The following LSAMP variants were observed in gnomAD, a reference collection of about 807,000 sequenced individuals.
LSAMP encodes limbic system associated membrane protein, also known as limbic system-associated membrane protein.
Under a neutral mutation model 38.6 loss-of-function variants are expected in LSAMP, and 7 were observed. The ratio of observed to expected loss-of-function variants is 0.18; its 90% confidence interval spans 0.10 to 0.34. LSAMP has a LOEUF of 0.34. LSAMP is among the 10% of genes least tolerant of loss of function. The pLI, the probability that LSAMP is intolerant of heterozygous loss-of-function variation, is 1.00. For synonymous variants in LSAMP, 154 were observed against 166.8 expected (o/e 0.92, Z 0.59); for missense variants, 313 against 420.0 (o/e 0.75, Z 2.23).
intron 1 of LSAMP, among the ~76,000 whole-genome samples, chr3:116,348,454 T>A (rs1371124271): frequency 1.3e-5 from 2 of 152,144 alleles, no homozygotes; most frequent in Non-Finnish European, 2.9e-5. Context: ...TCAAGGTTTG[T>A]TTCATCCTGT....
chr3:116,133,377 A>G (rs887505260), intron 1 of LSAMP, among the ~76,000 whole-genome samples: 3 of 151,988 alleles, frequency 2.0e-5, no homozygotes, highest in African/African-American at 4.8e-5. Context: ...TGCAGCCTCA[A>G]TCTCCTGGGC....
rs78023975 is a variant in LSAMP at position 116,345,782 on chromosome 3, C to T, written c.155+99095G>A. Reference sequence around the variant, plus strand: ...TCCCTAAAATTAGATATAGCAGTGTCGGTTGCTAGTTCAGCTACTGGGCCT... The same window carrying T: ...TCCCTAAAATTAGATATAGCAGTGTTGGTTGCTAGTTCAGCTACTGGGCCT... On this transcript the variant is annotated intron_variant, in intron 1 of 6. Transcript: ENST00000490035. Among the ~76,000 whole-genome samples, 8 of 152,140 alleles carry T rather than the reference C, an allele frequency of 5.3e-5. No homozygotes were observed. In the East Asian group the frequency reaches 5.8e-4, roughly 11 times the overall value.
At chr3:116,209,814 C>T (rs59567204) in intron 1 of LSAMP, among the ~76,000 whole-genome samples, 30,157 of 152,024 alleles carry the variant, frequency 0.2, 3,058 homozygotes, top group Admixed American at 0.24. Flanking sequence ...CGCAGTGGCA[C>T]GATCTCCGCT....
chr3:115,980,500 G>A (rs997373246), intron 3 of LSAMP, among the ~76,000 whole-genome samples: 9 of 152,106 alleles, frequency 5.9e-5, no homozygotes. Flanking sequence ...CTTCTACTTT[G>A]AGATTATAGA....
chr3:116,153,114 T>C (rs915335387), intron 1 of LSAMP, among the ~76,000 whole-genome samples: 3 of 152,136 alleles, frequency 2.0e-5, no homozygotes, highest in Non-Finnish European at 4.4e-5. Context: ...AATGAAAGTA[T>C]AAACTGAAAA....
At chr3:116,061,298 A>G (rs937499420) in intron 2 of LSAMP, among the ~76,000 whole-genome samples, 5 of 152,230 alleles carry the variant, frequency 3.3e-5, no homozygotes, top group Non-Finnish European at 7.3e-5. Context: ...AGAACTGTCC[A>G]TAATTCACTT....
At chr3:115,821,154 A>G in intron 6 of LSAMP, among the ~76,000 whole-genome samples, 1 of 151,928 alleles carries the variant, frequency 6.6e-6, no homozygotes, top group East Asian at 1.9e-4. Context: ...CTCCATCCAC[A>G]TCTCTGAAAA....
intron 1 of LSAMP, among the ~76,000 whole-genome samples, chr3:116,207,404 A>G (rs1559783068): frequency 6.6e-6 from 1 of 151,398 alleles, no homozygotes; most frequent in Non-Finnish European, 1.5e-5. Flanking sequence ...GTCCATTTAC[A>G]TTTAAAGTTA....
At chr3:116,160,743 G>A (rs751169400) in intron 1 of LSAMP, among the ~76,000 whole-genome samples, 6 of 152,162 alleles carry the variant, frequency 3.9e-5, no homozygotes, top group Non-Finnish European at 5.9e-5. Flanking sequence ...TAATGGATGT[G>A]AGGACATACT....
At chr3:115,850,679 G>GA in intron 4 of LSAMP, among the ~76,000 whole-genome samples, 2 of 152,300 alleles carry the variant, frequency 1.3e-5, no homozygotes, top group South Asian at 4.1e-4. Context: ...CTCATGAAAT[G>GA]CAACCCCTTG....
chr3:116,445,485 AG>A lies in LSAMP; in HGVS notation c.-455del. On this transcript the variant is annotated 5_prime_UTR_variant, in exon 1 of 7. Transcript: ENST00000490035. ...AGTGAGTGTACAGAAACAGCCACAC[AG>A]CAGCAGCAGCAGCAGAAGCAGCAGC... 3.4e-5 allele frequency: 11 copies of A among 319,534 alleles called. No homozygotes were observed. Among genetic ancestry groups the A allele is most frequent in the South Asian group, 1.1e-4 (1 of 9,082 alleles). 19.8% of individuals were successfully genotyped at this position (319,534 alleles called of 1,614,324 possible). A position where few individuals can be genotyped will look rare whatever the true frequency, so the allele number is the denominator to read the frequency against.
At chr3:115,854,282 A>ATTTTTTT (rs35263381) in intron 3 of LSAMP, among the ~76,000 whole-genome samples, 11 of 107,028 alleles carry the variant, frequency 1.0e-4, no homozygotes, top group Non-Finnish European at 1.3e-4. Flanking sequence ...TATTATTATT[A>ATTTTTTT]TTTTTTTTTT....
chr3:116,330,554 C>A (rs546984396), intron 1 of LSAMP, among the ~76,000 whole-genome samples: 29 of 152,176 alleles, frequency 1.9e-4, no homozygotes, highest in East Asian at 1.2e-3. Flanking sequence ...ATGCTCCCCC[C>A]CCCACAACCT....
intron 2 of LSAMP, among the ~76,000 whole-genome samples, chr3:116,037,831 A>T (rs1440358085): frequency 6.6e-6 from 1 of 152,048 alleles, no homozygotes; most frequent in Non-Finnish European, 1.5e-5. Flanking sequence ...ATATATCAGT[A>T]ATGTCCTATA....
At chr3:116,204,118 T>C (rs1236529524) in intron 1 of LSAMP, among the ~76,000 whole-genome samples, 1 of 152,144 alleles carries the variant, frequency 6.6e-6, no homozygotes, top group Non-Finnish European at 1.5e-5. Flanking sequence ...TAGTATCTCA[T>C]AGTGGTTTTG....
chr3:115,932,105 A>G (rs1379586487), intron 3 of LSAMP, among the ~76,000 whole-genome samples: 1 of 152,260 alleles, frequency 6.6e-6, no homozygotes, highest in Non-Finnish European at 1.5e-5. Flanking sequence ...AGGAGTACAA[A>G]AAAATGCTTT....
chr3:116,107,741 A>G (rs1349202621), intron 1 of LSAMP, among the ~76,000 whole-genome samples: 10 of 152,198 alleles, frequency 6.6e-5, no homozygotes, highest in Non-Finnish European at 1.3e-4. Context: ...GGTCAGTCCA[A>G]GTGAAAGCGA....
At chr3:116,255,937 A>G (rs1456829190) in intron 1 of LSAMP, among the ~76,000 whole-genome samples, 1 of 152,170 alleles carries the variant, frequency 6.6e-6, no homozygotes, top group Non-Finnish European at 1.5e-5. Context: ...TTGAATAATA[A>G]TGGAAATAGT....
At chr3:115,939,530 CT>C (rs1937823572) in intron 3 of LSAMP, among the ~76,000 whole-genome samples, 2 of 99,620 alleles carry the variant, frequency 2.0e-5, no homozygotes, top group African/African-American at 3.7e-5. Context: ...TGTTCTCTTT[CT>C]CTTTCTTTCT....
Sources: gnomAD v4.1 joint callset for allele counts (sites outside exome capture counted in the v4.1 genomes callset) on GRCh38, gnomAD v4.1.1 for gene constraint, MANE v1.5 for transcripts, NCBI Gene and HGNC (gene_info 2026-07-23, HGNC 2026-07-21) for gene names.